Variants in PEX14 observed in about 807,000 individuals in gnomAD.
PEX14 encodes peroxisomal biogenesis factor 14.
Under a neutral mutation model 49.5 loss-of-function variants are expected in PEX14, and 15 were observed. The observed-to-expected ratio is 0.30, with a 90% CI of 0.20 to 0.47. The LOEUF (loss-of-function observed/expected upper bound fraction) is 0.47. Among genes scored for constraint, PEX14 ranks in the 20% least tolerant of loss-of-function variants. The pLI, the probability that PEX14 is intolerant of heterozygous loss-of-function variation, is 1.00. For missense variants in PEX14, 398 were observed against 494.8 expected (o/e 0.80, Z 1.86); for synonymous variants, 210 against 212.7 (o/e 0.99, Z 0.11).
intron 2 of PEX14, among the ~76,000 whole-genome samples, chr1:10,526,919 A>G (rs1239913888): frequency 6.6e-6 from 1 of 152,146 alleles, no homozygotes; most frequent in African/African-American, 2.4e-5. Flanking sequence ...GTGGGTCTAA[A>G]GAAAATTCTT....
intron 3 of PEX14, among the ~76,000 whole-genome samples, chr1:10,538,852 T>C (rs1192991481): frequency 6.6e-6 from 1 of 152,218 alleles, no homozygotes; most frequent in East Asian, 1.9e-4. Flanking sequence ...GCTTGGAGCA[T>C]GGGCTCTGGG....
At chr1:10,500,174 G>A (rs1020918825) in intron 2 of PEX14, among the ~76,000 whole-genome samples, 5 of 151,552 alleles carry the variant, frequency 3.3e-5, no homozygotes, top group African/African-American at 4.9e-5. Flanking sequence ...AGGCCGAGGC[G>A]GGTGGATCAC....
rs975685396 is a variant in PEX14, at chr1:10,512,888, G to A, written c.84+17567G>A. ...AATTTTTTGTATTTTTAGTAGAGAT[G>A]AGGTTTCATCGTGTTAGCTGGGATG... On this transcript the variant is annotated intron_variant, in intron 2 of 8. Transcript: ENST00000356607. The surrounding 1 kb of genome is among the most constrained non-coding windows in gnomAD (Gnocchi z 4.6). Among the ~76,000 whole-genome samples, 2 of 152,018 alleles carry A rather than the reference G, an allele frequency of 1.3e-5. No individual in the cohort carries two copies. Among genetic ancestry groups the A allele is most frequent in the African/African-American group, 4.8e-5 (2 of 41,390 alleles).
rs1466666963 is a variant in PEX14 at position 10,495,377 on chromosome 1, GA to G, written c.84+60del. On this transcript the variant is annotated intron_variant, in intron 2 of 8. Coordinates refer to ENST00000356607, the MANE Select transcript of PEX14 (RefSeq NM_004565.3). This position sits in a 1 kb window ranked among gnomAD's most constrained non-coding sequence, Gnocchi z 4.2. Reference sequence around the variant, plus strand: ...CTAGTAATTAAAATGCCACGCGAGTGAAAAGAAACCTTCTGTTCCTATGGTT... The same window carrying G: ...CTAGTAATTAAAATGCCACGCGAGTGAAAGAAACCTTCTGTTCCTATGGTT... The G allele has an allele frequency of 7.2e-7, 1 of 1,392,044 alleles. No homozygotes were observed. The highest frequency in any genetic ancestry group is 1.0e-6 in the Non-Finnish European group (1 of 984,440). 86.2% of individuals were successfully genotyped at this position (1,392,044 alleles called of 1,614,324 possible). A position where few individuals can be genotyped will look rare whatever the true frequency, so the allele number is the denominator to read the frequency against.
rs564061941 is a variant in PEX14, at chr1:10,542,641, G to A, written c.169+6344G>A. On this transcript the variant is annotated intron_variant, in intron 3 of 8. Coordinates refer to ENST00000356607, the MANE Select transcript of PEX14 (RefSeq NM_004565.3). ...CTCGGCGTGGTGGTATGCGCCTGTA[G>A]TCCCAGCTACTCGCGAGGCTGAGGC... Among the ~76,000 whole-genome samples, 13 of 152,224 alleles carry A rather than the reference G, an allele frequency of 8.5e-5. No homozygotes were observed. In the East Asian group the frequency reaches 2.3e-3, roughly 27 times the overall value.
At chr1:10,491,069 A>G (rs1477621611) in intron 1 of PEX14, among the ~76,000 whole-genome samples, 1 of 146,976 alleles carries the variant, frequency 6.8e-6, no homozygotes. Flanking sequence ...AGGTTTTGCT[A>G]TGTTGGCCAG....
intron 5 of PEX14, among the ~76,000 whole-genome samples, chr1:10,619,820 C>G (rs983408462): frequency 1.3e-5 from 2 of 152,224 alleles, no homozygotes; most frequent in Admixed American, 6.5e-5. Context: ...AATTGAGAAA[C>G]AAGGGCTGGG....
rs559005779 is a variant in PEX14 at position 10,595,622 on chromosome 1, A to G, written c.170-3616A>G. Among the ~76,000 whole-genome samples, 270 of 152,336 alleles carry G rather than the reference A, an allele frequency of 1.8e-3. 1 individual carries two copies. The highest frequency in any genetic ancestry group is 2.9e-3 in the Non-Finnish European group (196 of 68,030). On this transcript the variant is annotated intron_variant, in intron 3 of 8. Coordinates refer to ENST00000356607, the MANE Select transcript of PEX14 (RefSeq NM_004565.3). ...TTAAAATTGACTAATTCTTCCAAAG[A>G]TAGCAGCTAAAGGAGGACTTAGATG... is the stretch of plus-strand genomic sequence containing the variant.
chr1:10,614,943 C>T (rs1316731632), intron 4 of PEX14, among the ~76,000 whole-genome samples: 2 of 152,166 alleles, frequency 1.3e-5, no homozygotes, highest in Non-Finnish European at 2.9e-5. Flanking sequence ...GACACCTGAC[C>T]AGGACTCCAA....
intron 2 of PEX14, among the ~76,000 whole-genome samples, chr1:10,530,355 C>G (rs1216955788): frequency 6.6e-6 from 1 of 152,240 alleles, no homozygotes; most frequent in Non-Finnish European, 1.5e-5. Context: ...TTTCATCTTG[C>G]AAAACATTTC....
intron 3 of PEX14, among the ~76,000 whole-genome samples, chr1:10,542,210 C>T (rs1639037562): frequency 6.6e-6 from 1 of 152,166 alleles, no homozygotes; most frequent in Non-Finnish European, 1.5e-5. Flanking sequence ...GTTCCCCACC[C>T]GTTCTCTTTT....
At chr1:10,610,044 A>C (rs1028231947) in intron 4 of PEX14, among the ~76,000 whole-genome samples, 2 of 148,400 alleles carry the variant, frequency 1.3e-5, no homozygotes, top group African/African-American at 4.9e-5. Flanking sequence ...ATACATATTT[A>C]TATAAATACA....
intron 3 of PEX14, among the ~76,000 whole-genome samples, chr1:10,583,100 C>T (rs1050590279): frequency 1.1e-4 from 16 of 151,994 alleles, no homozygotes; most frequent in Non-Finnish European, 2.9e-5. Flanking sequence ...ATTTCAGGGG[C>T]AAAGAGGGAA....
chr1:10,545,429 C>A (rs760815834), intron 3 of PEX14, among the ~76,000 whole-genome samples: 2 of 152,074 alleles, frequency 1.3e-5, no homozygotes, highest in Non-Finnish European at 2.9e-5. Flanking sequence ...GTTGTTATAC[C>A]ATTTTACATT....
At chr1:10,528,592 A>T (rs898908128) in intron 2 of PEX14, among the ~76,000 whole-genome samples, 4 of 152,106 alleles carry the variant, frequency 2.6e-5, no homozygotes, top group African/African-American at 9.7e-5. Context: ...ACAGCTTGAC[A>T]CCTTCATTAA....
In PEX14 at chr1:10,530,908, T is replaced by A. The variant is rs1161461107; in HGVS notation, c.85-5305T>A. 3.9e-5 allele frequency among the ~76,000 whole-genome samples: 6 copies of A among 152,210 alleles called. No individual in the cohort carries two copies. The East Asian group carries it at 1.2e-3, about 29-fold the overall frequency. ...TGACAATTCCGACGCTTGCTTTCTT[T>A]TGCATACTTGTAGATTTTTCTTCTA... On this transcript the variant is annotated intron_variant, in intron 2 of 8. Transcript: ENST00000356607.
rs1452948148 is a variant in PEX14, at chr1:10,630,210, A to G, written c.*223A>G. 10 of 663,306 alleles carry G rather than the reference A, an allele frequency of 1.5e-5. No individual in the cohort carries two copies. The Admixed American group carries it at 3.3e-4, about 22-fold the overall frequency. The allele number at this position is 663,306 out of a possible 1,614,324, so 41.1% of individuals were successfully genotyped here. On this transcript the variant is annotated 3_prime_UTR_variant, in exon 9 of 9. Transcript: ENST00000356607. The surrounding 1 kb of genome is among the most constrained non-coding windows in gnomAD (Gnocchi z 4.1). ...CAGCCCCAGCCCCAGCCCCAGCCCC[A>G]GGCCCAGCTGCCTTTGGCTTTGATC...
At chr1:10,486,360 GT>G (rs201702205) in intron 1 of PEX14, among the ~76,000 whole-genome samples, 4,521 of 124,116 alleles carry the variant, frequency 0.036, 78 homozygotes, top group Middle Eastern at 0.058. Flanking sequence ...AGTTTGCTGA[GT>G]TTTTTTTTTT....
chr1:10,476,186 C>G (rs1641191274), intron 1 of PEX14, among the ~76,000 whole-genome samples: 1 of 152,206 alleles, frequency 6.6e-6, no homozygotes, highest in African/African-American at 2.4e-5. Flanking sequence ...CTGTCTTATT[C>G]TGCACGTCTG....
Sources: allele counts gnomAD v4.1 joint callset (sites outside exome capture counted in the v4.1 genomes callset), GRCh38; gene constraint gnomAD v4.1.1; non-coding constraint Gnocchi (gnomAD v3.1); transcripts MANE v1.5; gene names NCBI Gene and HGNC (gene_info 2026-07-23, HGNC 2026-07-21).